The following PAK3 variants were observed in gnomAD, a reference collection of about 807,000 sequenced individuals.
The protein encoded by PAK3 is p21 (RAC1) activated kinase 3.
Under a neutral mutation model 41.0 loss-of-function variants are expected in PAK3, and 4 were observed. That is an observed-to-expected ratio of 0.10 (90% CI 0.05 to 0.22). The LOEUF (loss-of-function observed/expected upper bound fraction) is 0.22. Ranked by LOEUF, PAK3 falls within the 10% of genes least tolerant of loss-of-function variation. PAK3 has a pLI of 1.00. For missense variants in PAK3, 205 were observed against 409.9 expected, an observed-to-expected ratio of 0.50 and a Z score of 4.32; for synonymous variants, 146 against 139.6, an observed-to-expected ratio of 1.05 and a Z score of -0.32.
chrX:111,051,816 C>T (rs1192375236), intron 1 of PAK3, among the ~76,000 whole-genome samples: 1 of 111,939 alleles, frequency 8.9e-6, no homozygotes, highest in Non-Finnish European at 1.9e-5. Context: ...TACTTCTCAG[C>T]CTGTCACTAG....
chrX:111,227,027 G>A lies in PAK3; in HGVS notation c.*6580G>A, dbSNP rs984097135. On this transcript the variant is annotated 3_prime_UTR_variant, in exon 18 of 18. Coordinates refer to ENST00000372007, the MANE Select transcript of PAK3 (RefSeq NM_002578.5). ...TATCAGAATTGTATCTCATTTGGCT[G>A]AGCATTACTTTTGTCAGAATGTGTT... 3.6e-5 allele frequency: 4 copies of A among 112,183 alleles called. No homozygotes were observed. The highest frequency in any genetic ancestry group is 1.3e-4 in the African/African-American group (4 of 30,872). The allele number at this position is 112,183 out of a possible 1,213,427, so 9.2% of individuals were successfully genotyped here. A position where few individuals can be genotyped will look rare whatever the true frequency, so the allele number is the denominator to read the frequency against.
At chrX:111,118,950 A>G (rs895177611) in intron 4 of PAK3, among the ~76,000 whole-genome samples, 2 of 111,217 alleles carry the variant, frequency 1.8e-5, no homozygotes, top group South Asian at 3.8e-4. Flanking sequence ...AGAAAAAACT[A>G]TTACCAAGAT....
chrX:111,067,974 A>G (rs985599146), intron 1 of PAK3, among the ~76,000 whole-genome samples: 4 of 110,436 alleles, frequency 3.6e-5, no homozygotes, highest in Non-Finnish European at 7.6e-5. Context: ...TTGTTCTATT[A>G]TTTTTCTATG....
intron 10 of PAK3, chrX:111,169,250 T>C: frequency 4.0e-6 from 1 of 252,359 alleles, no homozygotes; most frequent in East Asian, 1.2e-4. Flanking sequence ...AAGGAACCTA[T>C]GCAGATGACT....
chrX:111,104,957 G>T (rs1032225019), intron 4 of PAK3, among the ~76,000 whole-genome samples: 4 of 110,828 alleles, frequency 3.6e-5, no homozygotes, highest in Non-Finnish European at 7.6e-5. Context: ...AAGTTATTTT[G>T]GTATCTTTAG....
intron 1 of PAK3, among the ~76,000 whole-genome samples, chrX:110,978,011 C>A (rs1296559494): frequency 8.9e-6 from 1 of 112,091 alleles, no homozygotes; most frequent in East Asian, 2.8e-4. Context: ...ATGACGTTAG[C>A]TGTGGGTTTT....
intron 1 of PAK3, among the ~76,000 whole-genome samples, chrX:111,049,279 T>C (rs1249918580): frequency 8.9e-6 from 1 of 112,206 alleles, no homozygotes; most frequent in African/African-American, 3.2e-5. Context: ...GCCTGTTTTA[T>C]TATTGTTATA....
intron 8 of PAK3, among the ~76,000 whole-genome samples, chrX:111,154,089 A>G (rs2094069606): frequency 8.9e-6 from 1 of 111,881 alleles, no homozygotes. Flanking sequence ...TACCTAGAGG[A>G]GTCAAATTCA....
chrX:111,081,327 G>A (rs1296155274), intron 1 of PAK3, among the ~76,000 whole-genome samples: 2 of 111,051 alleles, frequency 1.8e-5, no homozygotes, highest in African/African-American at 6.6e-5. Context: ...TGGGCAACAT[G>A]GCAAAACCCC....
At chrX:111,097,052 T>C (rs1253244152) in intron 1 of PAK3, among the ~76,000 whole-genome samples, 1 of 109,098 alleles carries the variant, frequency 9.2e-6, no homozygotes, top group Non-Finnish European at 1.9e-5. Context: ...GGGATTGGAA[T>C]GATGCAATAA....
Position 111,187,255 on chromosome X carries a change from T to C in PAK3, c.831-4872T>C, listed in dbSNP as rs7049739. Among the ~76,000 whole-genome samples, 670 of 112,034 alleles carry C rather than the reference T, an allele frequency of 6.0e-3. 9 individuals are homozygous for C. The highest frequency in any genetic ancestry group is 0.02 in the African/African-American group (621 of 30,935). ...CAGGTAATTGTCAATTTTTTTGTTA[T>C]GAATTTTGAAACATCAAATATCTTG... On this transcript the variant is annotated intron_variant, in intron 11 of 17. Coordinates refer to ENST00000372007, the MANE Select transcript of PAK3 (RefSeq NM_002578.5).
At chrX:110,990,526 G>A (rs749340549) in intron 1 of PAK3, among the ~76,000 whole-genome samples, 1 of 110,753 alleles carries the variant, frequency 9.0e-6, no homozygotes, top group Non-Finnish European at 1.9e-5. Context: ...TGTATTGACC[G>A]TAGAATGAGA....
At chrX:111,174,364 C>A (rs1306747533) in intron 11 of PAK3, among the ~76,000 whole-genome samples, 1 of 110,998 alleles carries the variant, frequency 9.0e-6, no homozygotes, top group Non-Finnish European at 1.9e-5. Context: ...GATGAGAAGA[C>A]CCTAAGGGGG....
chrX:111,202,243 G>T (rs767007968), intron 16 of PAK3, among the ~76,000 whole-genome samples: 71 of 111,730 alleles, frequency 6.4e-4, no homozygotes, highest in African/African-American at 2.2e-3. Flanking sequence ...AAGTGGCTGA[G>T]ATTTTTTAAT....
At chrX:111,193,771 AC>A (rs2094584585) in intron 13 of PAK3, among the ~76,000 whole-genome samples, 1 of 102,967 alleles carries the variant, frequency 9.7e-6, no homozygotes, top group African/African-American at 4.4e-5. Context: ...AAAACAAAAA[AC>A]AAAAACAAAA....
intron 1 of PAK3, among the ~76,000 whole-genome samples, chrX:111,090,396 G>C (rs1216775929): frequency 1.6e-4 from 18 of 111,757 alleles, no homozygotes; most frequent in African/African-American, 5.9e-4. Flanking sequence ...GAGGGACCTG[G>C]AGAGGGTAGA....
chrX:111,077,981 A>C (rs984912385), intron 1 of PAK3, among the ~76,000 whole-genome samples: 1 of 112,121 alleles, frequency 8.9e-6, no homozygotes, highest in African/African-American at 3.2e-5. Context: ...AACCCAATTA[A>C]AAAATGGAAA....
intron 1 of PAK3, among the ~76,000 whole-genome samples, chrX:110,968,978 T>A (rs1042499826): frequency 9.1e-6 from 1 of 110,246 alleles, no homozygotes; most frequent in African/African-American, 3.3e-5. Context: ...CATGTAAATC[T>A]ATGATCTATG....
intron 5 of PAK3, among the ~76,000 whole-genome samples, chrX:111,139,396 T>G (rs193211062): frequency 8.9e-6 from 1 of 112,205 alleles, no homozygotes; most frequent in African/African-American, 3.2e-5. Flanking sequence ...ATCAGAAATT[T>G]TGCACTTCCT....
Sources: allele counts gnomAD v4.1 joint callset (sites outside exome capture counted in the v4.1 genomes callset), GRCh38; gene constraint gnomAD v4.1.1; transcripts MANE v1.5; gene names NCBI Gene and HGNC (gene_info 2026-07-23, HGNC 2026-07-21).